Variants in PKP4 observed in about 807,000 individuals in gnomAD.
PKP4 encodes plakophilin-4.
In PKP4, 90 loss-of-function variants were observed where a neutral mutation model predicts 145.1. The ratio of observed to expected loss-of-function variants is 0.62; its 90% CI spans 0.52 to 0.74. The LOEUF (loss-of-function observed/expected upper bound fraction) is 0.74, where lower values mean the gene tolerates loss of function less well. PKP4 is among the 30% of genes least tolerant of loss of function. The pLI, the probability that PKP4 is intolerant of heterozygous loss-of-function variation, is 0.00. For missense variants in PKP4, 1,340 were observed against 1,482.7 expected (o/e 0.90, Z 1.58); for synonymous variants, 563 against 577.2 (o/e 0.98, Z 0.35).
At position 158,671,769 on chromosome 2, in the gene PKP4, G is replaced by A. The variant is rs116973744; in HGVS notation, c.2924+1854G>A. 2.3e-4 allele frequency among the ~76,000 whole-genome samples: 35 copies of A among 152,366 alleles called. No homozygotes were observed. In the East Asian group the frequency reaches 5.8e-3, roughly 25 times the overall value. ...CAAGGTGCCAAACGAACAGAAACGC[G>A]TGGAGCGTGGTGGGTGGTGCTGAGG... On this transcript the variant is annotated intron_variant, in intron 17 of 21. Transcript: ENST00000389759.
At chr2:158,587,831 A>G (rs1281161313) in intron 3 of PKP4, among the ~76,000 whole-genome samples, 2 of 151,866 alleles carry the variant, frequency 1.3e-5, no homozygotes, top group Non-Finnish European at 2.9e-5. Flanking sequence ...TAATGTTTCA[A>G]TTGACTTTGT....
At chr2:158,583,834 T>C (rs1216451386) in intron 3 of PKP4, among the ~76,000 whole-genome samples, 2 of 149,272 alleles carry the variant, frequency 1.3e-5, no homozygotes, top group Non-Finnish European at 2.9e-5. Context: ...TTTTTAATGT[T>C]TTGTTTGTTT....
At chr2:158,650,503 C>T (rs754369861) in intron 11 of PKP4, among the ~76,000 whole-genome samples, 4 of 152,144 alleles carry the variant, frequency 2.6e-5, no homozygotes, top group Non-Finnish European at 4.4e-5. Flanking sequence ...TCGGGCTAAC[C>T]CTTATATTCT....
intron 1 of PKP4, among the ~76,000 whole-genome samples, chr2:158,530,813 G>T (rs988105399): frequency 3.3e-5 from 5 of 151,970 alleles, no homozygotes; most frequent in Non-Finnish European, 7.4e-5. Context: ...GTTGCCTGTG[G>T]TGTGTCCTAA....
chr2:158,464,860 A>G (rs1354068356), intron 1 of PKP4, among the ~76,000 whole-genome samples: 1 of 152,198 alleles, frequency 6.6e-6, no homozygotes, highest in Non-Finnish European at 1.5e-5. Context: ...ACTGTAGACA[A>G]TTAGTACTTT....
At chr2:158,590,515 C>T (rs1233427459) in intron 3 of PKP4, among the ~76,000 whole-genome samples, 3 of 151,568 alleles carry the variant, frequency 2.0e-5, no homozygotes, top group African/African-American at 7.3e-5. Context: ...GGGGCTATTT[C>T]AGCCACAGAG....
In PKP4 at chr2:158,624,952, C is replaced by G; in HGVS notation, c.678C>G (p.Ile226Met). ...PSRAQSPSYV[I>M]STGVSPSRGS... ...GAGCACAGTCTCCTTCTTATGTTAT[C>G]AGCACAGGCGTGTCTCCTTCAAGGG... Residue 226 changes from isoleucine (I) to methionine (M), a missense_variant, in exon 7 of 22, where the codon ATC becomes ATG. Physicochemically the swap from Ile to Met is conservative, Grantham distance 10. Transcript: ENST00000389759. 6.2e-7 allele frequency: 1 copy of G among 1,613,976 alleles called. No homozygotes were observed. The highest frequency in any genetic ancestry group is 1.3e-5 in the African/African-American group (1 of 75,044).
At chr2:158,604,424 G>A (rs1220864280) in intron 4 of PKP4, among the ~76,000 whole-genome samples, 2 of 152,152 alleles carry the variant, frequency 1.3e-5, no homozygotes, top group Admixed American at 6.5e-5. Context: ...GAAGCAAAAT[G>A]TCATATTATT....
At chr2:158,507,207 G>A (rs1412430162) in intron 1 of PKP4, among the ~76,000 whole-genome samples, 1 of 151,854 alleles carries the variant, frequency 6.6e-6, no homozygotes, top group East Asian at 1.9e-4. Context: ...ATAAATGACT[G>A]GTATTACATA....
At position 158,642,535 on chromosome 2, in the gene PKP4, G is replaced by A; in HGVS notation, c.1745G>A (p.Arg582Lys). 1.2e-6 allele frequency: 2 copies of A among 1,613,624 alleles called. No individual in the cohort carries two copies. The highest frequency in any genetic ancestry group is 3.3e-4 in the Middle Eastern group (2 of 6,056). The change falls in exon 11 of 22, where the codon AGA (arginine) becomes AAA (lysine). Residue 582 changes from arginine (R) to lysine (K), a missense_variant. Coordinates refer to ENST00000389759, the MANE Select transcript of PKP4 (RefSeq NM_003628.6). Reference protein sequence around the residue: ...IKHLVDLLDHRVLEVQKNACG... With the variant: ...IKHLVDLLDHKVLEVQKNACG... ...CATCTGGTTGACCTTCTGGACCACA[G>A]AGTTTTGGAAGTTCAGAAGAATGCT...
chr2:158,605,552 A>C (rs554235073), intron 4 of PKP4, among the ~76,000 whole-genome samples: 1 of 152,300 alleles, frequency 6.6e-6, no homozygotes, highest in African/African-American at 2.4e-5. Flanking sequence ...GCACACATGC[A>C]TGTGAACTTA....
At chr2:158,597,775 T>C (rs1008393139) in intron 3 of PKP4, among the ~76,000 whole-genome samples, 1 of 152,210 alleles carries the variant, frequency 6.6e-6, no homozygotes, top group Non-Finnish European at 1.5e-5. Flanking sequence ...TATATAAATA[T>C]ACATGTGTGT....
intron 11 of PKP4, among the ~76,000 whole-genome samples, chr2:158,655,407 CA>C (rs111670268): frequency 4.7e-5 from 7 of 150,368 alleles, no homozygotes; most frequent in African/African-American, 1.2e-4. Context: ...ACAGAAACAA[CA>C]AAAAAAAACA....
intron 1 of PKP4, among the ~76,000 whole-genome samples, chr2:158,489,120 T>G (rs1209720555): frequency 6.6e-6 from 1 of 152,244 alleles, no homozygotes; most frequent in Non-Finnish European, 1.5e-5. Flanking sequence ...GATAAGATTT[T>G]ATTTAAAACA....
intron 2 of PKP4, among the ~76,000 whole-genome samples, chr2:158,574,875 C>T (rs539385157): frequency 3.3e-5 from 5 of 152,276 alleles, no homozygotes; most frequent in South Asian, 2.1e-4. Flanking sequence ...AGGAATTGCC[C>T]TACTTTTAAA....
At chr2:158,612,326 A>T (rs1247257937) in intron 4 of PKP4, among the ~76,000 whole-genome samples, 1 of 152,228 alleles carries the variant, frequency 6.6e-6, no homozygotes, top group Non-Finnish European at 1.5e-5. Flanking sequence ...TTTCTATATC[A>T]GTATATAAAG....
At chr2:158,583,327 G>A (rs558788722) in intron 3 of PKP4, among the ~76,000 whole-genome samples, 1,809 of 152,228 alleles carry the variant, frequency 0.012, 18 homozygotes, top group Middle Eastern at 0.034. Flanking sequence ...TCCTCCCTAG[G>A]ACTTCCCCTT....
chr2:158,666,270 T>C (rs1316023271), intron 15 of PKP4, 143 bp from the exon 16 acceptor site: 1 of 681,592 alleles, frequency 1.5e-6, no homozygotes, highest in Non-Finnish European at 2.2e-6. Flanking sequence ...TTCTCTTCAC[T>C]GACACCACAG....
At chr2:158,511,327 A>G (rs1349627102) in intron 1 of PKP4, among the ~76,000 whole-genome samples, 2 of 152,146 alleles carry the variant, frequency 1.3e-5, no homozygotes, top group African/African-American at 4.8e-5. Flanking sequence ...CGGAGGTTGC[A>G]GTGAGCCAAG....
Sources: gnomAD v4.1 joint callset for allele counts (sites outside exome capture counted in the v4.1 genomes callset) on GRCh38, gnomAD v4.1.1 for gene constraint, MANE v1.5 for transcripts, NCBI Gene and HGNC (gene_info 2026-07-23, HGNC 2026-07-21) for gene names.